SMC5: variants seen among roughly 807,000 people sequenced by gnomAD.
SMC5 encodes the protein structural maintenance of chromosomes protein 5.
Under a neutral mutation model 148.3 loss-of-function variants are expected in SMC5, and 88 were observed. That is an observed-to-expected ratio of 0.59 (90% CI 0.50 to 0.71). The LOEUF is 0.71. Among genes scored for constraint, SMC5 ranks in the 30% least tolerant of loss-of-function variants. The pLI is 0.00. For missense variants in SMC5, 1,142 were observed against 1,298.9 expected (o/e 0.88, Z 1.86); for synonymous variants, 421 against 432.8 (o/e 0.97, Z 0.34).
intron 7 of SMC5, 146 bp from the exon 8 acceptor site, chr9:70,286,050 ATAAC>A: frequency 1.6e-6 from 1 of 623,324 alleles, no homozygotes; most frequent in Non-Finnish European, 2.9e-6. Context: ...AGACTTGCAA[ATAAC>A]TGTTGGTATT....
Position 70,264,306 on chromosome 9 carries a change from C to T in SMC5, c.188C>T (p.Thr63Ile). 6.2e-7 allele frequency: 1 copy of T among 1,612,598 alleles called. No individual in the cohort carries two copies. The highest frequency in any genetic ancestry group is 1.1e-5 in the South Asian group (1 of 90,800). The change falls in exon 2 of 25, where the codon ACA becomes ATA. Residue 63 changes from threonine (T) to isoleucine (I), a missense_variant and splice_region_variant. By Grantham distance (89) the Thr-to-Ile change is moderately conservative (BLOSUM62 -1). Transcript: ENST00000361138. Reference protein sequence around the residue: ...IVRISMENFLTYDICEVSPGP... With the variant: ...IVRISMENFLIYDICEVSPGP... ...AATTTCATCTCTTTATAATTCAGAA[C>T]ATATGATATTTGTGAAGTATCTCCT...
intron 7 of SMC5, 107 bp from the exon 8 acceptor site, chr9:70,286,093 G>C (rs2034891863): frequency 2.8e-6 from 2 of 714,510 alleles, no homozygotes; most frequent in Non-Finnish European, 5.0e-6. Flanking sequence ...TTTGCTTGAT[G>C]TAAATTGTTG....
At chr9:70,306,064 A>G (rs765241954) in intron 11 of SMC5, among the ~76,000 whole-genome samples, 1 of 152,226 alleles carries the variant, frequency 6.6e-6, no homozygotes, top group Non-Finnish European at 1.5e-5. Context: ...TCATTATCGT[A>G]ATACATTGTT....
intron 3 of SMC5, among the ~76,000 whole-genome samples, chr9:70,273,824 T>A (rs780476319): frequency 1.3e-5 from 2 of 152,228 alleles, no homozygotes; most frequent in Non-Finnish European, 2.9e-5. Flanking sequence ...GTCTTTCTTT[T>A]TGTAGTGAAC....
At chr9:70,334,611 AAGAG>A (rs977119177) in intron 17 of SMC5, among the ~76,000 whole-genome samples, 48 of 151,632 alleles carry the variant, frequency 3.2e-4, no homozygotes, top group Admixed American at 2.9e-3. Flanking sequence ...ATACTTTTTA[AAGAG>A]AGAGAGAGAG....
chr9:70,284,763 A>T (rs1354285374), intron 7 of SMC5, among the ~76,000 whole-genome samples: 1 of 152,222 alleles, frequency 6.6e-6, no homozygotes, highest in Non-Finnish European at 1.5e-5. Context: ...ATGTCAGTCT[A>T]TAGTAAAAGT....
chr9:70,261,263 C>T (rs1207079090), intron 1 of SMC5, among the ~76,000 whole-genome samples: 1 of 152,112 alleles, frequency 6.6e-6, no homozygotes, highest in East Asian at 1.9e-4. Context: ...GTGTTTTCAA[C>T]AGGGAATGAC....
At chr9:70,309,318 C>CGTTT (rs2035594091) in intron 11 of SMC5, among the ~76,000 whole-genome samples, 8 of 79,162 alleles carry the variant, frequency 1.0e-4, no homozygotes, top group Non-Finnish European at 9.3e-5. Context: ...TTTCCTTTTC[C>CGTTT]TTTTTTTTTT....
intron 11 of SMC5, 126 bp downstream of exon 11, chr9:70,305,486 C>G (rs1324956151): frequency 1.7e-6 from 1 of 586,250 alleles, no homozygotes; most frequent in Non-Finnish European, 3.1e-6. Context: ...TGCAAAATCA[C>G]TCTGTTTTGC....
chr9:70,269,620 T>C (rs2118029159), intron 3 of SMC5, among the ~76,000 whole-genome samples: 1 of 152,192 alleles, frequency 6.6e-6, no homozygotes, highest in South Asian at 2.1e-4. Context: ...CCTTTGTAAA[T>C]TAATACATAC....
intron 8 of SMC5, among the ~76,000 whole-genome samples, chr9:70,294,366 C>T (rs1441757525): frequency 6.6e-6 from 1 of 152,130 alleles, no homozygotes; most frequent in Admixed American, 6.6e-5. Context: ...GGGTTTCTTT[C>T]ATTAGTTCTG....
At chr9:70,300,008 T>G in intron 9 of SMC5, 38 bp from the exon 10 acceptor site, 1 of 1,517,586 alleles carries the variant, frequency 6.6e-7, no homozygotes. Context: ...ATTAAAATTT[T>G]CAGAGAAACA....
rs2094401 is a variant in SMC5 at position 70,258,995 on chromosome 9, G to T, written c.-84G>T. On this transcript the variant is annotated 5_prime_UTR_variant, in exon 1 of 25. Coordinates refer to ENST00000361138, the MANE Select transcript of SMC5 (RefSeq NM_015110.4). ...TTCGCGGCAGTTCGCGCGGGAGCGG[G>T]GCGCCTGGGTGGATGGGCGCTTGGG... 6.9e-6 allele frequency: 10 copies of T among 1,439,956 alleles called. No homozygotes were observed. Among genetic ancestry groups the T allele is most frequent in the Non-Finnish European group, 9.2e-6 (10 of 1,087,104 alleles). 89.2% of individuals were successfully genotyped at this position (1,439,956 alleles called of 1,614,324 possible). A position where few individuals can be genotyped will look rare whatever the true frequency, so the allele number is the denominator to read the frequency against.
At chr9:70,290,739 A>G (rs2035034834) in intron 8 of SMC5, among the ~76,000 whole-genome samples, 1 of 152,112 alleles carries the variant, frequency 6.6e-6, no homozygotes, top group Non-Finnish European at 1.5e-5. Context: ...TCCTATTTAG[A>G]AAAAAAGTAC....
chr9:70,292,751 C>T (rs1262969437), intron 8 of SMC5, among the ~76,000 whole-genome samples: 3 of 152,082 alleles, frequency 2.0e-5, no homozygotes, highest in African/African-American at 7.2e-5. Context: ...TTTTCTGCAT[C>T]TATTGATATA....
chr9:70,265,155 C>T (rs1036559086), intron 2 of SMC5, among the ~76,000 whole-genome samples: 5 of 152,020 alleles, frequency 3.3e-5, no homozygotes, highest in African/African-American at 1.2e-4. Context: ...AGATAAGAAA[C>T]AGATACAAAA....
intron 1 of SMC5, among the ~76,000 whole-genome samples, chr9:70,262,195 A>C (rs1467533375): frequency 6.6e-6 from 1 of 152,134 alleles, no homozygotes; most frequent in Non-Finnish European, 1.5e-5. Flanking sequence ...GGAGTGGAGG[A>C]AGACACTTGG....
At chr9:70,347,749 G>C in intron 21 of SMC5, 32 bp downstream of exon 21, 1 of 1,366,544 alleles carries the variant, frequency 7.3e-7, no homozygotes, top group Non-Finnish European at 1.0e-6. Flanking sequence ...TTTTTATCAT[G>C]TGATTATTAA....
intron 1 of SMC5, among the ~76,000 whole-genome samples, chr9:70,259,886 C>G (rs368760080): frequency 2.0e-5 from 3 of 151,250 alleles, no homozygotes; most frequent in East Asian, 3.9e-4. Context: ...TTAAATATAT[C>G]ATGTATTTGC....
Sources: allele counts gnomAD v4.1 joint callset (sites outside exome capture counted in the v4.1 genomes callset), GRCh38; gene constraint gnomAD v4.1.1; transcripts MANE v1.5; gene names NCBI Gene and HGNC (gene_info 2026-07-23, HGNC 2026-07-21).